The following RAB10 variants were observed in gnomAD, a reference collection of about 807,000 sequenced individuals.
The protein encoded by RAB10 is ras-related protein Rab-10.
A neutral mutation model predicts 25.7 loss-of-function variants in RAB10; 5 were observed. That is an observed-to-expected ratio of 0.19 (90% CI 0.10 to 0.41). The LOEUF is 0.41. Ranked by LOEUF, RAB10 falls within the 10% of genes least tolerant of loss-of-function variation. The pLI, the probability that RAB10 is intolerant of heterozygous loss-of-function variation, is 1.00. For synonymous variants in RAB10, 89 were observed against 86.4 expected (o/e 1.03, Z -0.16); for missense variants, 103 against 245.8 (o/e 0.42, Z 3.89).
chr2:26,068,380 A>G (rs1666555391), intron 1 of RAB10, among the ~76,000 whole-genome samples: 1 of 152,208 alleles, frequency 6.6e-6, no homozygotes, highest in South Asian at 2.1e-4. Context: ...TTCAATTTTT[A>G]AAAGATGGTT....
At chr2:26,118,416 T>C (rs1033985214) in intron 3 of RAB10, among the ~76,000 whole-genome samples, 1 of 143,808 alleles carries the variant, frequency 7.0e-6, no homozygotes, top group Non-Finnish European at 1.5e-5. Flanking sequence ...GGCAAATAAG[T>C]GCTTTAAAAA....
At chr2:26,112,485 A>G (rs1222917030) in intron 3 of RAB10, among the ~76,000 whole-genome samples, 1 of 152,240 alleles carries the variant, frequency 6.6e-6, no homozygotes, top group African/African-American at 2.4e-5. Flanking sequence ...GGTCAGTGAC[A>G]GGAACTGGGA....
intron 1 of RAB10, among the ~76,000 whole-genome samples, chr2:26,078,626 G>C (rs999330747): frequency 6.6e-6 from 1 of 152,090 alleles, no homozygotes; most frequent in Non-Finnish European, 1.5e-5. Flanking sequence ...AGGGGTTGCG[G>C]AAAAAGTATG....
intron 1 of RAB10, among the ~76,000 whole-genome samples, chr2:26,044,842 C>T (rs76768371): frequency 0.12 from 17,565 of 151,948 alleles, 1,146 homozygotes; most frequent in African/African-American, 0.19. Flanking sequence ...CATTGCGCCC[C>T]GCCAGGAGTT....
At chr2:26,095,795 C>T (rs1251353689) in intron 1 of RAB10, among the ~76,000 whole-genome samples, 1 of 151,982 alleles carries the variant, frequency 6.6e-6, no homozygotes, top group Non-Finnish European at 1.5e-5. Flanking sequence ...ACCTGTAGTC[C>T]CAGCTACTCA....
At chr2:26,108,458 A>G (rs1202501322) in intron 2 of RAB10, among the ~76,000 whole-genome samples, 3 of 152,260 alleles carry the variant, frequency 2.0e-5, no homozygotes, top group African/African-American at 7.2e-5. Flanking sequence ...AATGAAAAAA[A>G]TATAAACATA....
At position 26,132,771 on chromosome 2, in the gene RAB10, C is replaced by CT. The variant is rs1553305949; in HGVS notation, c.520-2159dup. On this transcript the variant is annotated intron_variant, in intron 5 of 5. Transcript: ENST00000264710. ...TGCTCCGCAAGAGATACCCCCCCCC[C>CT]TTTTTTTTAAATCTGTTTCAAGGAT... 5.9e-4 allele frequency among the ~76,000 whole-genome samples: 82 copies of CT among 138,542 alleles called. 1 individual carries two copies. Among genetic ancestry groups the CT allele is most frequent in the African/African-American group, 1.9e-3 (73 of 37,962 alleles). 90.9% of individuals were successfully genotyped at this position (138,542 alleles called of 152,430 possible).
chr2:26,123,054 C>CA (rs1667838240), intron 3 of RAB10, among the ~76,000 whole-genome samples: 1 of 152,088 alleles, frequency 6.6e-6, no homozygotes, highest in South Asian at 2.1e-4. Flanking sequence ...GTTGCTAACC[C>CA]CCAAGACCTG....
chr2:26,049,940 C>T (rs372709999), intron 1 of RAB10, among the ~76,000 whole-genome samples: 1 of 152,150 alleles, frequency 6.6e-6, no homozygotes, highest in Admixed American at 6.6e-5. Flanking sequence ...AGATAATAAT[C>T]TTTTGGTTTC....
At chr2:26,056,117 T>C (rs1019422620) in intron 1 of RAB10, among the ~76,000 whole-genome samples, 2 of 151,866 alleles carry the variant, frequency 1.3e-5, no homozygotes, top group South Asian at 2.1e-4. Flanking sequence ...TCTCGAACTC[T>C]TGAACTCAAG....
At chr2:26,118,339 G>A (rs1667735618) in intron 3 of RAB10, among the ~76,000 whole-genome samples, 1 of 144,450 alleles carries the variant, frequency 6.9e-6, no homozygotes, top group Admixed American at 6.8e-5. Context: ...TTTGAGACCG[G>A]GTTTCACTGT....
intron 3 of RAB10, among the ~76,000 whole-genome samples, chr2:26,110,190 C>A (rs1295029705): frequency 1.3e-5 from 2 of 151,840 alleles, no homozygotes; most frequent in Non-Finnish European, 2.9e-5. Flanking sequence ...TTATAAAAAT[C>A]AGCTGGGTGT....
rs70950167 is a variant in RAB10, at chr2:26,099,532, GTTTTTTTTT to G, written c.188+828_188+836del. On this transcript the variant is annotated intron_variant, in intron 2 of 5. Coordinates refer to ENST00000264710, the MANE Select transcript of RAB10 (RefSeq NM_016131.5). ...GTATTTCTGTTTTTTGTTTTTTTGGGTTTTTTTTTTTTTTTTTTTTTTTTTTGAGGTGGA... is the reference window on the plus strand; with the variant it reads ...GTATTTCTGTTTTTTGTTTTTTTGGGTTTTTTTTTTTTTTTTTGAGGTGGA... Among the ~76,000 whole-genome samples the G allele has an allele frequency of 5.6e-4, 41 of 73,340 alleles. 1 individual carries two copies. The highest frequency in any genetic ancestry group is 2.4e-3 in the African/African-American group (39 of 16,454). 48.1% of individuals were successfully genotyped at this position (73,340 alleles called of 152,430 possible). A position where few individuals can be genotyped will look rare whatever the true frequency, so the allele number is the denominator to read the frequency against.
chr2:26,060,074 G>T (rs1034654470), intron 1 of RAB10, among the ~76,000 whole-genome samples: 2 of 152,170 alleles, frequency 1.3e-5, no homozygotes. Context: ...TATAATGCCA[G>T]TCTTTTAAAA....
chr2:26,060,238 A>G (rs190060960), intron 1 of RAB10, among the ~76,000 whole-genome samples: 1 of 152,208 alleles, frequency 6.6e-6, no homozygotes, highest in Non-Finnish European at 1.5e-5. Context: ...GTGCTTTTAT[A>G]TCTATTACTC....
At chr2:26,124,417 T>TTTTTTTTA (rs1667867053) in intron 3 of RAB10, among the ~76,000 whole-genome samples, 1 of 119,560 alleles carries the variant, frequency 8.4e-6, no homozygotes, top group African/African-American at 3.2e-5. Context: ...TTTTTTTTTT[T>TTTTTTTTA]GAGACAGGTT....
chr2:26,075,980 A>G (rs138343707), intron 1 of RAB10, among the ~76,000 whole-genome samples: 209 of 152,288 alleles, frequency 1.4e-3, no homozygotes, highest in Non-Finnish European at 2.7e-3. Flanking sequence ...AGGTGTATCA[A>G]TAAGGGCAGG....
chr2:26,060,794 T>C (rs1666377226), intron 1 of RAB10, among the ~76,000 whole-genome samples: 1 of 152,170 alleles, frequency 6.6e-6, no homozygotes, highest in Non-Finnish European at 1.5e-5. Context: ...GAAATAGATA[T>C]TTTCTTTTAA....
At chr2:26,065,929 A>T (rs761828895) in intron 1 of RAB10, among the ~76,000 whole-genome samples, 2 of 152,092 alleles carry the variant, frequency 1.3e-5, no homozygotes, top group African/African-American at 2.4e-5. Context: ...GTTTTAGCTT[A>T]GTGGGAATAT....
Sources: gnomAD v4.1 joint callset for allele counts (sites outside exome capture counted in the v4.1 genomes callset) on GRCh38, gnomAD v4.1.1 for gene constraint, MANE v1.5 for transcripts, NCBI Gene and HGNC (gene_info 2026-07-23, HGNC 2026-07-21) for gene names.